The following OR56A3 variants were observed in gnomAD, a reference collection of about 807,000 sequenced individuals.
The protein encoded by OR56A3 is olfactory receptor 56A3.
A neutral mutation model predicts 17.5 loss-of-function variants in OR56A3; 23 were observed. The ratio of observed to expected loss-of-function variants is 1.32; its 90% CI spans 0.95 to 1.87. The LOEUF is 1.87. Ranked by LOEUF, OR56A3 falls within the 40% of genes most tolerant of loss-of-function variation. The pLI is 0.00. For missense variants in OR56A3, 366 were observed against 380.1 expected (o/e 0.96, Z 0.31); for synonymous variants, 175 against 150.6 (o/e 1.16, Z -1.19).
the OR56A3 span, among the ~76,000 whole-genome samples, chr11:6,013,025 A>G: frequency 6.6e-6 from 1 of 152,228 alleles, no homozygotes; most frequent in Non-Finnish European, 1.5e-5. Context: ...TGAGCCCCCA[A>G]GAGCGCAGAA....
the OR56A3 span, chr11:6,021,443 G>C: frequency 2.6e-5 from 4 of 151,886 alleles, no homozygotes; most frequent in African/African-American, 9.7e-5. Flanking sequence ...TGAGATGATG[G>C]ATATGCTAAT....
the OR56A3 span, among the ~76,000 whole-genome samples, chr11:5,969,830 T>A: frequency 6.6e-6 from 1 of 152,166 alleles, no homozygotes; most frequent in Non-Finnish European, 1.5e-5. Context: ...GCTTCAGTAG[T>A]CCAATTGAGA....
At chr11:5,996,699 T>C in the OR56A3 span, among the ~76,000 whole-genome samples, 1 of 152,198 alleles carries the variant, frequency 6.6e-6, no homozygotes, top group Admixed American at 6.5e-5. Context: ...CAGATATACA[T>C]CCAAATAGTC....
At chr11:5,962,639 C>T in the OR56A3 span, among the ~76,000 whole-genome samples, 3 of 151,348 alleles carry the variant, frequency 2.0e-5, no homozygotes, top group African/African-American at 7.3e-5. Flanking sequence ...CCCGGGTTCA[C>T]ACCATTCTCC....
the OR56A3 span, chr11:5,994,644 T>G: frequency 1.3e-6 from 1 of 777,038 alleles, no homozygotes; most frequent in Non-Finnish European, 2.3e-6. Flanking sequence ...GACTGGCACA[T>G]GGCCAGTTCT....
the OR56A3 span, chr11:5,987,094 G>A: frequency 1.1e-5 from 7 of 648,606 alleles, no homozygotes; most frequent in East Asian, 1.6e-4. Flanking sequence ...ACATCCACAT[G>A]TCTGAATTAA....
At chr11:5,971,338 G>A in the OR56A3 span, among the ~76,000 whole-genome samples, 1 of 152,164 alleles carries the variant, frequency 6.6e-6, no homozygotes, top group South Asian at 2.1e-4. Context: ...CTCACCCTCT[G>A]CTCATTTTCT....
chr11:5,994,409 C>T, the OR56A3 span: 7 of 726,314 alleles, frequency 9.6e-6, no homozygotes, highest in Non-Finnish European at 1.8e-5. Context: ...CGTATTGTTC[C>T]TGATGTCTGC....
downstream of OR56A3, among the ~76,000 whole-genome samples, chr11:5,955,629 G>A (rs577180713): frequency 4.5e-4 from 69 of 152,246 alleles, no homozygotes; most frequent in South Asian, 2.7e-3. Flanking sequence ...GCATGCTTCT[G>A]GGGGGTTACA....
the OR56A3 span, among the ~76,000 whole-genome samples, chr11:5,956,755 G>A: frequency 1.3e-5 from 2 of 152,064 alleles, no homozygotes; most frequent in African/African-American, 4.8e-5. Flanking sequence ...TCCTGTCCTC[G>A]TGATCTCCAC....
chr11:5,993,943 A>G, the OR56A3 span: 2 of 447,960 alleles, frequency 4.5e-6, no homozygotes, highest in Non-Finnish European at 8.8e-6. Flanking sequence ...GGCGGGTGGT[A>G]GTCTTTTGAA....
chr11:5,965,325 T>G, the OR56A3 span, among the ~76,000 whole-genome samples: 1 of 152,218 alleles, frequency 6.6e-6, no homozygotes, highest in African/African-American at 2.4e-5. Context: ...TAATTATTAC[T>G]CTTCTTAAAT....
the OR56A3 span, among the ~76,000 whole-genome samples, chr11:6,010,828 TGTGTGTGTGTGTGTGTGTGTGTGC>T: frequency 5.0e-5 from 1 of 19,950 alleles, no homozygotes; most frequent in Non-Finnish European, 1.2e-4. Flanking sequence ...TGTGTGTGTG[TGTGTGTGTGTGTGTGTGTGTGTGC>T]ACGTGAATGT....
the OR56A3 span, among the ~76,000 whole-genome samples, chr11:6,015,580 G>A: frequency 0.68 from 103,349 of 152,106 alleles, 35,438 homozygotes; most frequent in East Asian, 0.94. Flanking sequence ...TGGGGGCTGA[G>A]CCCTCCAAAG....
At chr11:6,001,696 A>T in the OR56A3 span, 124 of 173,864 alleles carry the variant, frequency 7.1e-4, 2 homozygotes, top group African/African-American at 2.5e-3. Context: ...ATCAAAAAAC[A>T]GGCTGATCTT....
intron 2 of OR56A3, among the ~76,000 whole-genome samples, chr11:5,946,607 A>G (rs1847871148): frequency 6.6e-6 from 1 of 152,206 alleles, no homozygotes; most frequent in Non-Finnish European, 1.5e-5. Flanking sequence ...CCTGTTAGCT[A>G]TGTGGAAGTG....
chr11:5,948,460 T>TTTCACCC lies in OR56A3; in HGVS notation c.*169_*175dup, dbSNP rs1473677792. 1.8e-6 allele frequency: 1 copy of TTTCACCC among 571,408 alleles called. No individual in the cohort carries two copies. The highest frequency in any genetic ancestry group is 1.9e-5 in the African/African-American group (1 of 53,658). 35.4% of individuals were successfully genotyped at this position (571,408 alleles called of 1,614,324 possible). ...GGTTTTAATTTAAGTCTATCTTCCT[T>TTTCACCC]TTCACCCTTTTCTCAGAAATATTCT... On this transcript the variant is annotated 3_prime_UTR_variant, in exon 3 of 3. Transcript: ENST00000641160.
chr11:6,011,988 G>A, the OR56A3 span, among the ~76,000 whole-genome samples: 13 of 152,356 alleles, frequency 8.5e-5, no homozygotes, highest in South Asian at 2.7e-3. Context: ...AGGAACCATA[G>A]GGCCCCAAAG....
At chr11:5,987,148 C>A in the OR56A3 span, among the ~76,000 whole-genome samples, 4 of 152,172 alleles carry the variant, frequency 2.6e-5, no homozygotes, top group Admixed American at 6.5e-5. Context: ...ACATAAGCTG[C>A]TTTTGGAGAG....
Sources: gnomAD v4.1 joint callset for allele counts (sites outside exome capture counted in the v4.1 genomes callset) on GRCh38, gnomAD v4.1.1 for gene constraint, MANE v1.5 for transcripts, NCBI Gene and HGNC (gene_info 2026-07-23, HGNC 2026-07-21) for gene names.